SEMA5A: variants seen among roughly 807,000 people sequenced by gnomAD.
The protein encoded by SEMA5A is semaphorin-5A.
Under a neutral mutation model 135.5 loss-of-function variants are expected in SEMA5A, and 55 were observed. That is an observed-to-expected ratio of 0.41 (90% confidence interval 0.33 to 0.51). The LOEUF is 0.51. SEMA5A is among the 20% of genes least tolerant of loss of function. SEMA5A has a pLI of 0.37. For synonymous variants in SEMA5A, 580 were observed against 546.5 expected (o/e 1.06, Z -0.85); for missense variants, 1,290 against 1,419.9 (o/e 0.91, Z 1.47).
intron 4 of SEMA5A, among the ~76,000 whole-genome samples, chr5:9,326,446 G>A (rs867585667): frequency 1.6e-4 from 24 of 152,142 alleles, no homozygotes; most frequent in Middle Eastern, 3.4e-3. Context: ...TAGAGATGGG[G>A]TTTCGCTGTG....
At chr5:9,526,036 G>A (rs1451820273) in intron 1 of SEMA5A, among the ~76,000 whole-genome samples, 3 of 152,072 alleles carry the variant, frequency 2.0e-5, no homozygotes, top group African/African-American at 7.2e-5. Context: ...ATCCCTTTGG[G>A]GTTATTATCA....
intron 11 of SEMA5A, among the ~76,000 whole-genome samples, chr5:9,184,979 G>A (rs111842694): frequency 1.2e-3 from 189 of 152,070 alleles, no homozygotes; most frequent in Admixed American, 3.2e-3. Flanking sequence ...CCAGGCTGGC[G>A]TACAATGGTG....
At chr5:9,098,812 A>G (rs1036838524) in intron 16 of SEMA5A, among the ~76,000 whole-genome samples, 7 of 152,228 alleles carry the variant, frequency 4.6e-5, no homozygotes, top group African/African-American at 1.7e-4. Flanking sequence ...TTTAATATCA[A>G]GTATTGAATA....
At chr5:9,217,023 T>A (rs530653468) in intron 8 of SEMA5A, among the ~76,000 whole-genome samples, 1 of 152,184 alleles carries the variant, frequency 6.6e-6, no homozygotes, top group Non-Finnish European at 1.5e-5. Flanking sequence ...CCTATCATTA[T>A]GTTGTTAGCT....
At chr5:9,435,252 T>C (rs1757989307) in intron 2 of SEMA5A, among the ~76,000 whole-genome samples, 1 of 152,146 alleles carries the variant, frequency 6.6e-6, no homozygotes, top group Non-Finnish European at 1.5e-5. Context: ...AAAGGCAGTA[T>C]GTATAAGGGT....
chr5:9,197,321 G>A lies in SEMA5A; in HGVS notation c.933-18C>T, dbSNP rs773566745. 59 of 1,582,122 alleles carry A rather than the reference G, an allele frequency of 3.7e-5. No individual in the cohort carries two copies. The highest frequency in any genetic ancestry group is 4.6e-5 in the Non-Finnish European group (54 of 1,168,246). On this transcript the variant is annotated intron_variant, in intron 9 of 22. Transcript: ENST00000382496. The stretch of plus-strand genomic sequence containing the variant: ...TGCTGTTCCTGGGAGCGGAGGGAGA[G>A]AGAGAAGGCAGTCAGAGAGCTCGGC...
chr5:9,422,551 A>G (rs1003834327), intron 2 of SEMA5A: 2 of 151,956 alleles, frequency 1.3e-5, no homozygotes, highest in Admixed American at 1.3e-4. Context: ...TTACAGATAA[A>G]AACAAAAAGG....
chr5:9,074,928 C>T (rs568227823), intron 16 of SEMA5A, among the ~76,000 whole-genome samples: 1 of 152,058 alleles, frequency 6.6e-6, no homozygotes, highest in African/African-American at 2.4e-5. Flanking sequence ...GGATCTGGTC[C>T]ATAGAACGGA....
At chr5:9,455,597 A>T (rs1481959046) in intron 1 of SEMA5A, among the ~76,000 whole-genome samples, 1 of 152,204 alleles carries the variant, frequency 6.6e-6, no homozygotes, top group African/African-American at 2.4e-5. Context: ...CAGGACTAGG[A>T]AGCAGTATGT....
chr5:9,316,110 T>C (rs1752378259), intron 5 of SEMA5A, among the ~76,000 whole-genome samples: 3 of 152,220 alleles, frequency 2.0e-5, no homozygotes, highest in Admixed American at 2.0e-4. Context: ...CTTATGTTAT[T>C]CAATGTGTTA....
chr5:9,124,295 G>A (rs1322231871), intron 13 of SEMA5A, among the ~76,000 whole-genome samples: 1 of 152,178 alleles, frequency 6.6e-6, no homozygotes, highest in African/African-American at 2.4e-5. Context: ...AGAAGGGACG[G>A]CTTCTTGCCA....
intron 3 of SEMA5A, among the ~76,000 whole-genome samples, chr5:9,369,760 C>T (rs899723416): frequency 6.7e-6 from 1 of 149,310 alleles, no homozygotes; most frequent in African/African-American, 2.5e-5. Flanking sequence ...GGTCTTCCAA[C>T]ATTTCCCTGC....
At chr5:9,396,277 C>CACACACACACACACACAA (rs1443955576) in intron 2 of SEMA5A, among the ~76,000 whole-genome samples, 7 of 148,654 alleles carry the variant, frequency 4.7e-5, no homozygotes, top group Non-Finnish European at 6.0e-5. Flanking sequence ...CACACACACA[C>CACACACACACACACACAA]AAATACATCC....
intron 2 of SEMA5A, among the ~76,000 whole-genome samples, chr5:9,428,071 A>AAT (rs1244305863): frequency 1.6e-5 from 2 of 122,710 alleles, no homozygotes; most frequent in East Asian, 2.3e-4. Flanking sequence ...TATGTGTGTA[A>AAT]ATATATATAT....
chr5:9,210,409 C>G (rs1746280637), intron 8 of SEMA5A, among the ~76,000 whole-genome samples: 1 of 152,158 alleles, frequency 6.6e-6, no homozygotes, highest in African/African-American at 2.4e-5. Flanking sequence ...ATTAAATTAC[C>G]ACACAGGCTT....
Position 9,202,097 on chromosome 5 carries a change from G to T in SEMA5A, c.790C>A (p.Leu264Met). ...ATGAATGTGGTCCAGGTGTCTTCCA[G>T]CAGGAAGCGCCCACCAATATCGTTC... ...CKNDIGGRFL[L>M]EDTWTTFMKA... Residue 264 changes from leucine (L) to methionine (M), a missense_variant, in exon 9 of 23, where the codon CTG becomes ATG. Leu to Met is a conservative substitution (Grantham distance 15). Coordinates refer to ENST00000382496, the MANE Select transcript of SEMA5A (RefSeq NM_003966.3). 1 of 1,614,178 alleles carries T rather than the reference G, an allele frequency of 6.2e-7. No individual in the cohort carries two copies. The highest frequency in any genetic ancestry group is 1.1e-5 in the South Asian group (1 of 91,076).
At chr5:9,194,087 G>A (rs954400378) in intron 10 of SEMA5A, among the ~76,000 whole-genome samples, 35 of 152,078 alleles carry the variant, frequency 2.3e-4, no homozygotes, top group African/African-American at 8.5e-4. Flanking sequence ...AAATTCTGGA[G>A]TCTGTCACAG....
intron 2 of SEMA5A, among the ~76,000 whole-genome samples, chr5:9,384,705 TAGATAGATAGACAGAC>T (rs1193532238): frequency 0.011 from 1,481 of 138,124 alleles, 92 homozygotes; most frequent in African/African-American, 0.014. Context: ...GATAGATAGA[TAGATAGATAGACAGAC>T]AGACAGACAG....
chr5:9,063,740 T>C (rs1218385409), intron 17 of SEMA5A, among the ~76,000 whole-genome samples: 1 of 152,112 alleles, frequency 6.6e-6, no homozygotes, highest in African/African-American at 2.4e-5. Flanking sequence ...TAACAAAATG[T>C]GTTTCCCAAG....
Sources: gnomAD v4.1 joint callset for allele counts (sites outside exome capture counted in the v4.1 genomes callset) on GRCh38, gnomAD v4.1.1 for gene constraint, MANE v1.5 for transcripts, NCBI Gene and HGNC (gene_info 2026-07-23, HGNC 2026-07-21) for gene names.